The following CACNA2D4 variants were observed in gnomAD, a reference collection of about 807,000 sequenced individuals.
CACNA2D4 encodes calcium voltage-gated channel auxiliary subunit alpha2delta 4, also known as voltage-dependent calcium channel subunit alpha-2/delta-4.
In CACNA2D4, 157 loss-of-function variants were observed where a neutral mutation model predicts 163.8. The observed-to-expected ratio is 0.96, with a 90% CI of 0.84 to 1.09. The LOEUF (loss-of-function observed/expected upper bound fraction) is 1.09. Ranked by LOEUF, CACNA2D4 falls within the 50% of genes least tolerant of loss-of-function variation. The probability of loss-of-function intolerance (pLI) is 0.00; values close to 1 mark genes in which losing one functional copy is unlikely to be tolerated. For synonymous variants in CACNA2D4, 598 were observed against 586.9 expected, an observed-to-expected ratio of 1.02 and a Z score of -0.27; for missense variants, 1,410 against 1,479.9, an observed-to-expected ratio of 0.95 and a Z score of 0.78.
In CACNA2D4 at chr12:1,886,275, A is replaced by G; in HGVS notation, c.941T>C (p.Ile314Thr). 1 of 1,613,696 alleles carries G rather than the reference A, an allele frequency of 6.2e-7. No homozygotes were observed. Among genetic ancestry groups the G allele is most frequent in the Non-Finnish European group, 8.5e-7 (1 of 1,179,638 alleles). ...CCCCAGGGTGTCCAAGATGGTGGTG[A>G]TGGTGTGCTTGGCAATAGTCATCCT... The part of the protein sequence containing the change: ...GLRMTIAKHT[I>T]TTILDTLGEN... Residue 314 changes from isoleucine to threonine, a missense_variant, in exon 8 of 38, where the codon ATC becomes ACC. By Grantham distance (89) the Ile-to-Thr change is moderately conservative (BLOSUM62 -1). Transcript: ENST00000382722.
intron 29 of CACNA2D4, among the ~76,000 whole-genome samples, chr12:1,805,751 G>A (rs536502955): frequency 6.6e-5 from 10 of 152,354 alleles, no homozygotes; most frequent in South Asian, 6.2e-4. Context: ...CATTTGGGAC[G>A]CCAGGAAGGT....
Position 1,887,035 on chromosome 12 carries a change from A to G in CACNA2D4, c.816T>C (p.Ile272=), listed in dbSNP as rs765740392. ...IKWTPDENGV[I]TFDCRNRGWY... ...AGCCGCGGTTTCGGCAGTCAAAAGT[A>G]ATGACTCCATTCTCATCAGGTGTCC... is the stretch of plus-strand genomic sequence containing the variant. Residue 272 remains isoleucine (I), a synonymous_variant, in exon 7 of 38, where the codon ATT becomes ATC. Coordinates refer to ENST00000382722, the MANE Select transcript of CACNA2D4 (RefSeq NM_172364.5). The G allele has an allele frequency of 4.1e-5, 66 of 1,594,902 alleles. No individual in the cohort carries two copies. In the Admixed American group the frequency reaches 1.1e-3, roughly 27 times the overall value.
intron 9 of CACNA2D4, 82 bp downstream of exon 9, chr12:1,885,883 C>T: frequency 4.9e-6 from 5 of 1,020,916 alleles, no homozygotes; most frequent in Non-Finnish European, 6.0e-6. Context: ...AAAAGGGCCA[C>T]AGAAACAGTC....
intron 20 of CACNA2D4, among the ~76,000 whole-genome samples, chr12:1,858,025 G>T (rs1431960380): frequency 2.6e-5 from 4 of 152,218 alleles, no homozygotes; most frequent in Admixed American, 6.5e-5. Flanking sequence ...GAGGCTCCTA[G>T]ACCTGGAAGA....
chr12:1,905,941 T>C (rs539553769), intron 6 of CACNA2D4, among the ~76,000 whole-genome samples: 10 of 152,080 alleles, frequency 6.6e-5, no homozygotes, highest in Non-Finnish European at 1.5e-4. Flanking sequence ...ACTGAAAAGC[T>C]ACAGTAATCA....
At chr12:1,849,522 G>C (rs1012732700) in intron 23 of CACNA2D4, among the ~76,000 whole-genome samples, 22 of 152,274 alleles carry the variant, frequency 1.4e-4, no homozygotes, top group Middle Eastern at 3.4e-3. Context: ...TTGATATATG[G>C]CTAGGTTTAG....
At chr12:1,797,671 C>A (rs533987355) in intron 34 of CACNA2D4, 136 bp from the exon 35 acceptor site, 235 of 561,854 alleles carry the variant, frequency 4.2e-4, no homozygotes, top group Admixed American at 2.2e-3. Flanking sequence ...TCAGGACACG[C>A]GTGGGAGGAG....
intron 29 of CACNA2D4, among the ~76,000 whole-genome samples, chr12:1,807,141 C>T (rs1225577966): frequency 6.6e-6 from 1 of 151,944 alleles, no homozygotes; most frequent in Non-Finnish European, 1.5e-5. Context: ...TTTCAAAAGA[C>T]TGTGACTTCC....
chr12:1,834,635 C>G lies in CACNA2D4; in HGVS notation c.2551+6104G>C. ...CTACGCCTCCCTCATGGCCAAGTACCACCGGGAGCTCAAAAAGCGCCAGCC... is the reference window on the plus strand; with the variant it reads ...CTACGCCTCCCTCATGGCCAAGTACGACCGGGAGCTCAAAAAGCGCCAGCC... On this transcript the variant is annotated intron_variant, in intron 26 of 37. Coordinates refer to ENST00000382722, the MANE Select transcript of CACNA2D4 (RefSeq NM_172364.5). This position sits in a 1 kb window ranked among gnomAD's most constrained non-coding sequence, Gnocchi z 7.6. 1 of 1,600,498 alleles carries G rather than the reference C, an allele frequency of 6.2e-7. No homozygotes were observed. The highest frequency in any genetic ancestry group is 8.5e-7 in the Non-Finnish European group (1 of 1,179,874).
chr12:1,811,675 G>A lies in CACNA2D4; in HGVS notation c.2600C>T (p.Ala867Val), dbSNP rs201489881. ...KLEFLQRKFW[A>V]ATRQCSTVDG... ...CATCACACCTACCTGCCGCGTTGCCGCCCAGAATTTGCGCTGGAGGAATTC... is the reference window on the plus strand; with the variant it reads ...CATCACACCTACCTGCCGCGTTGCCACCCAGAATTTGCGCTGGAGGAATTC... Residue 867 changes from alanine to valine, a missense_variant, in exon 27 of 38, where the codon GCG becomes GTG. Ala to Val is a moderately conservative substitution (Grantham distance 64, BLOSUM62 0). Transcript: ENST00000382722. 275 of 1,559,888 alleles carry A rather than the reference G, an allele frequency of 1.8e-4. 1 individual carries two copies. The South Asian group carries it at 2.5e-3, about 14-fold the overall frequency.
chr12:1,894,490 A>C (rs1305207618), intron 6 of CACNA2D4, among the ~76,000 whole-genome samples: 2 of 152,226 alleles, frequency 1.3e-5, no homozygotes, highest in African/African-American at 2.4e-5. Flanking sequence ...AAAATCTTCA[A>C]CAAAATACTA....
intron 29 of CACNA2D4, among the ~76,000 whole-genome samples, chr12:1,804,583 C>G (rs1252863227): frequency 6.6e-6 from 1 of 152,266 alleles, no homozygotes; most frequent in African/African-American, 2.4e-5. Flanking sequence ...TCCCCGTCTT[C>G]TTTAGTTAGG....
intron 29 of CACNA2D4, among the ~76,000 whole-genome samples, chr12:1,807,932 A>G (rs1863594288): frequency 6.6e-6 from 1 of 152,142 alleles, no homozygotes; most frequent in Admixed American, 6.5e-5. Context: ...AAAACTACAC[A>G]CGGGGTAAAA....
At chr12:1,907,670 G>T in intron 5 of CACNA2D4, 99 bp from the exon 6 acceptor site, 1 of 1,251,456 alleles carries the variant, frequency 8.0e-7, no homozygotes. Context: ...TGGTGGGCGT[G>T]TCTGGTAAGC....
chr12:1,905,012 A>G (rs78958072), intron 6 of CACNA2D4, among the ~76,000 whole-genome samples: 3,120 of 152,222 alleles, frequency 0.02, 41 homozygotes, highest in Non-Finnish European at 0.03. Flanking sequence ...TAAAAGGATT[A>G]CACACCATAA....
Position 1,875,333 on chromosome 12 carries a change from C to T in CACNA2D4, c.1724G>A (p.Arg575Lys), listed in dbSNP as rs779454476. The change falls in exon 17 of 38, where the codon AGA becomes AAA. Residue 575 changes from arginine to lysine, a missense_variant. Transcript: ENST00000382722. The surrounding 1 kb of genome is among the most constrained non-coding windows in gnomAD (Gnocchi z 4.0). The part of the protein sequence containing the change: ...LSHPDLRPLY[R>K]EGKKLKPKPN... ...TTTGGGTTTTAGTTTCTTCCCCTCT[C>T]TGTACTGGAGTGGGCAGGTCAGGAA... is the stretch of plus-strand genomic sequence containing the variant. The T allele has an allele frequency of 1.2e-6, 2 of 1,611,404 alleles. No homozygotes were observed. The highest frequency in any genetic ancestry group is 2.2e-5 in the East Asian group (1 of 44,874).
chr12:1,897,508 T>C (rs773016296), intron 6 of CACNA2D4, among the ~76,000 whole-genome samples: 1 of 152,232 alleles, frequency 6.6e-6, no homozygotes, highest in African/African-American at 2.4e-5. Flanking sequence ...TGTGTACAAG[T>C]ATTATGTATC....
intron 6 of CACNA2D4, among the ~76,000 whole-genome samples, chr12:1,891,035 C>T (rs1305569793): frequency 3.9e-5 from 6 of 152,228 alleles, no homozygotes; most frequent in Non-Finnish European, 8.8e-5. Context: ...CTTTGCCACA[C>T]CCACTTCTCT....
At chr12:1,809,812 T>A (rs1268034395) in intron 29 of CACNA2D4, among the ~76,000 whole-genome samples, 2 of 152,130 alleles carry the variant, frequency 1.3e-5, no homozygotes, top group Non-Finnish European at 2.9e-5. Flanking sequence ...TAATTTTCCA[T>A]AAGGTCCAGA....
Sources: allele counts gnomAD v4.1 joint callset (sites outside exome capture counted in the v4.1 genomes callset), GRCh38; gene constraint gnomAD v4.1.1; non-coding constraint Gnocchi (gnomAD v3.1); transcripts MANE v1.5; gene names NCBI Gene and HGNC (gene_info 2026-07-23, HGNC 2026-07-21).